Variants in SYBU observed in about 807,000 individuals in gnomAD.
SYBU encodes the protein GOLSYN A protein.
In SYBU, 21 loss-of-function variants were observed where a neutral mutation model predicts 35.9. The observed-to-expected ratio is 0.58, with a 90% CI of 0.41 to 0.84. The LOEUF (loss-of-function observed/expected upper bound fraction) is 0.84, where lower values mean the gene tolerates loss of function less well. Among genes scored for constraint, SYBU ranks in the 40% least tolerant of loss-of-function variants. The pLI is 0.00. For missense variants in SYBU, 768 were observed against 848.2 expected, an observed-to-expected ratio of 0.91 and a Z score of 1.17; for synonymous variants, 319 against 324.3, an observed-to-expected ratio of 0.98 and a Z score of 0.18.
chr8:109,661,568 TA>T, intron 1 of SYBU, among the ~76,000 whole-genome samples: 1 of 152,258 alleles, frequency 6.6e-6, no homozygotes, highest in East Asian at 1.9e-4. Context: ...GAAATGGCTT[TA>T]AAAAGTGCTC....
At chr8:109,634,573 G>A (rs1813999851) in intron 2 of SYBU, among the ~76,000 whole-genome samples, 1 of 152,198 alleles carries the variant, frequency 6.6e-6, no homozygotes, top group African/African-American at 2.4e-5. Context: ...AATGCTAGGA[G>A]TGCAGGGGAC....
At chr8:109,669,607 T>C (rs1334495346) in intron 1 of SYBU, among the ~76,000 whole-genome samples, 2 of 152,302 alleles carry the variant, frequency 1.3e-5, no homozygotes, top group East Asian at 1.9e-4. Context: ...CTTATACCAA[T>C]TAAATGCTTC....
rs74492610 is a variant in SYBU, at chr8:109,615,458, C to G, written c.427+3384G>C. ...ATTTCCTCTCTTCATATTTATGAGA[C>G]TGACAGGTTTTTTCTGCTAAAAGTT... On this transcript the variant is annotated intron_variant, in intron 3 of 6. Coordinates refer to ENST00000276646, the MANE Select transcript of SYBU (RefSeq NM_001099754.2). 1.5e-4 allele frequency among the ~76,000 whole-genome samples: 23 copies of G among 152,208 alleles called. 1 individual carries two copies. In the East Asian group the frequency reaches 4.4e-3, roughly 29 times the overall value.
intron 2 of SYBU, among the ~76,000 whole-genome samples, chr8:109,620,759 T>C (rs919192688): frequency 6.6e-6 from 1 of 152,172 alleles, no homozygotes; most frequent in African/African-American, 2.4e-5. Context: ...AGAACCCTTC[T>C]TGGTGGCTGT....
intron 3 of SYBU, among the ~76,000 whole-genome samples, chr8:109,591,505 A>ATTT (rs1563693024): frequency 1.5e-4 from 19 of 124,764 alleles, no homozygotes; most frequent in African/African-American, 6.5e-4. Flanking sequence ...AAAAAATGTA[A>ATTT]ATTTTTTTTT....
chr8:109,685,688 T>C (rs1817504801), upstream of SYBU, among the ~76,000 whole-genome samples: 1 of 152,256 alleles, frequency 6.6e-6, no homozygotes, highest in Non-Finnish European at 1.5e-5. Flanking sequence ...TAAGTATTTC[T>C]TGACAATTTG....
In SYBU at chr8:109,618,838, T is replaced by C. The variant is rs1377659599; in HGVS notation, c.427+4A>G. The C allele has an allele frequency of 6.2e-7, 1 of 1,613,578 alleles. No individual in the cohort carries two copies. Among genetic ancestry groups the C allele is most frequent in the Admixed American group, 1.7e-5 (1 of 60,002 alleles). ...ATGAAAACATGACGAGTAAGTTCAC[T>C]GACCTGGTTTCACAAGGCCTGACTT... On this transcript the variant is annotated splice_donor_region_variant and intron_variant, in intron 3 of 6. Coordinates refer to ENST00000276646, the MANE Select transcript of SYBU (RefSeq NM_001099754.2).
intron 1 of SYBU, among the ~76,000 whole-genome samples, chr8:109,687,248 C>A (rs1018261817): frequency 2.4e-4 from 37 of 152,120 alleles, no homozygotes; most frequent in African/African-American, 8.2e-4. Flanking sequence ...GAACACATAA[C>A]TTTCTAGTGA....
At chr8:109,583,092 C>G (rs549547016) in intron 4 of SYBU, among the ~76,000 whole-genome samples, 22 of 152,236 alleles carry the variant, frequency 1.4e-4, no homozygotes, top group Admixed American at 8.5e-4. Flanking sequence ...ATAACCACCA[C>G]CAGCAGCAGC....
At chr8:109,643,924 T>TA (rs1815240869) in intron 1 of SYBU, among the ~76,000 whole-genome samples, 1 of 152,140 alleles carries the variant, frequency 6.6e-6, no homozygotes, top group Admixed American at 6.5e-5. Context: ...TGAAAATGGA[T>TA]TCCTAGGAGG....
At chr8:109,686,097 T>A (rs966407299) in intron 1 of SYBU, among the ~76,000 whole-genome samples, 1 of 152,026 alleles carries the variant, frequency 6.6e-6, no homozygotes, top group Non-Finnish European at 1.5e-5. Flanking sequence ...ACATAATTTT[T>A]AAAGTCAATA....
chr8:109,691,466 C>T lies in SYBU; in HGVS notation c.-191G>A, dbSNP rs1194055955. On this transcript the variant is annotated 5_prime_UTR_variant, in exon 1 of 8. Transcript: ENST00000422135. This position sits in a 1 kb window ranked among gnomAD's most constrained non-coding sequence, Gnocchi z 4.7. ...CGTCGCTGCTGGTTTGCGCTCAGGC[C>T]CGGGGAGCCGGGCCCGGCCCGCTCC... is the stretch of plus-strand genomic sequence containing the variant. The T allele has an allele frequency of 3.5e-6, 2 of 571,148 alleles. No individual in the cohort carries two copies. The highest frequency in any genetic ancestry group is 6.0e-6 in the Non-Finnish European group (2 of 331,084). The allele number at this position is 571,148 out of a possible 1,614,324, so 35.4% of individuals were successfully genotyped here.
At chr8:109,602,832 A>G (rs1309871271) in intron 3 of SYBU, among the ~76,000 whole-genome samples, 7 of 152,216 alleles carry the variant, frequency 4.6e-5, no homozygotes, top group Admixed American at 4.6e-4. Context: ...GAACAAAAGC[A>G]AATGGAGAAA....
intron 2 of SYBU, among the ~76,000 whole-genome samples, chr8:109,641,807 GATGCTGGAGAGGATGTGGAGAA>G (rs1217014646): frequency 3.9e-5 from 6 of 152,246 alleles, no homozygotes; most frequent in Non-Finnish European, 7.3e-5. Context: ...GGAATGGACA[GATGCTGGAGAGGATGTGGAGAA>G]ATAGGAACGT....
intron 1 of SYBU, among the ~76,000 whole-genome samples, chr8:109,652,270 C>T (rs1816175017): frequency 6.6e-6 from 1 of 152,202 alleles, no homozygotes; most frequent in Admixed American, 6.5e-5. Context: ...GCATTGAATA[C>T]ATCCTATTAT....
intron 1 of SYBU, among the ~76,000 whole-genome samples, chr8:109,670,280 G>A (rs1678053130): frequency 6.7e-6 from 1 of 150,088 alleles, no homozygotes; most frequent in African/African-American, 2.5e-5. Context: ...TAAGTTCTAG[G>A]GTACCTGTGC....
intron 1 of SYBU, among the ~76,000 whole-genome samples, chr8:109,666,437 C>T (rs529666173): frequency 5.2e-4 from 79 of 152,210 alleles, no homozygotes; most frequent in African/African-American, 1.7e-3. Context: ...CCAGACATCT[C>T]CTAGGAGACA....
intron 1 of SYBU, among the ~76,000 whole-genome samples, chr8:109,663,457 T>C (rs1816647178): frequency 6.6e-6 from 1 of 152,158 alleles, no homozygotes; most frequent in African/African-American, 2.4e-5. Flanking sequence ...GCATAAATAT[T>C]CCAATTTTGG....
At chr8:109,655,325 C>G (rs534311667) in intron 1 of SYBU, among the ~76,000 whole-genome samples, 1 of 152,054 alleles carries the variant, frequency 6.6e-6, no homozygotes, top group East Asian at 1.9e-4. Context: ...TTTTCGGCTT[C>G]GAAAATACTT....
Sources: gnomAD v4.1 joint callset for allele counts (sites outside exome capture counted in the v4.1 genomes callset) on GRCh38, gnomAD v4.1.1 for gene constraint, Gnocchi (gnomAD v3.1) non-coding constraint, MANE v1.5 for transcripts, NCBI Gene and HGNC (gene_info 2026-07-23, HGNC 2026-07-21) for gene names.